SMARCA2: variants seen among roughly 807,000 people sequenced by gnomAD.
SMARCA2 encodes the protein SWI/SNF related BAF chromatin remodeling complex subunit ATPase 2.
In SMARCA2, 61 loss-of-function variants were observed where a neutral mutation model predicts 199.8. The ratio of observed to expected loss-of-function variants is 0.31; its 90% confidence interval spans 0.25 to 0.38. SMARCA2 has a LOEUF of 0.38. Among genes scored for constraint, SMARCA2 ranks in the 10% least tolerant of loss-of-function variants. The pLI, the probability that SMARCA2 is intolerant of heterozygous loss-of-function variation, is 1.00. For synonymous variants in SMARCA2, 935 were observed against 732.0 expected, an observed-to-expected ratio of 1.28 and a Z score of -4.48; for missense variants, 1,344 against 2,012.2, an observed-to-expected ratio of 0.67 and a Z score of 6.35.
chr9:2,055,189 A>G (rs2130336060), intron 6 of SMARCA2, among the ~76,000 whole-genome samples: 1 of 152,386 alleles, frequency 6.6e-6, no homozygotes, highest in East Asian at 1.9e-4. Context: ...ATAGAAATAC[A>G]TAAAGCAATG....
intron 26 of SMARCA2, among the ~76,000 whole-genome samples, chr9:2,120,671 G>T (rs1586726200): frequency 1.3e-5 from 2 of 152,170 alleles, no homozygotes; most frequent in Non-Finnish European, 2.9e-5. Flanking sequence ...TGGGAACATT[G>T]ATTGTATATA....
chr9:2,137,321 G>A (rs1356973785), intron 27 of SMARCA2, among the ~76,000 whole-genome samples: 1 of 152,198 alleles, frequency 6.6e-6, no homozygotes, highest in Non-Finnish European at 1.5e-5. Context: ...TCCTGCATCA[G>A]GTTCTCCAGT....
Position 2,040,012 on chromosome 9 carries a change from A to G in SMARCA2, c.790+112A>G, listed in dbSNP as rs1819535581. ...CCCGGGGCTGACGTAGCCTTTTGTTATACCTCACTGGCTCTCTATCCTTGC... is the reference window on the plus strand; with the variant it reads ...CCCGGGGCTGACGTAGCCTTTTGTTGTACCTCACTGGCTCTCTATCCTTGC... On this transcript the variant is annotated intron_variant, in intron 4 of 33. Transcript: ENST00000349721. 3.9e-6 allele frequency: 6 copies of G among 1,526,620 alleles called. No individual in the cohort carries two copies. The East Asian group carries it at 6.8e-5, about 17-fold the overall frequency. The allele number at this position is 1,526,620 out of a possible 1,614,324, so 94.6% of individuals were successfully genotyped here. A position where few individuals can be genotyped will look rare whatever the true frequency, so the allele number is the denominator to read the frequency against.
intron 9 of SMARCA2, chr9:2,068,959 C>G (rs549522756): frequency 6.6e-6 from 1 of 151,926 alleles, no homozygotes; most frequent in Non-Finnish European, 1.5e-5. Flanking sequence ...CTCTGTCACC[C>G]AGGCTGGAGT....
intron 27 of SMARCA2, among the ~76,000 whole-genome samples, chr9:2,124,887 T>G (rs999362132): frequency 5.3e-5 from 8 of 152,210 alleles, no homozygotes; most frequent in Non-Finnish European, 1.2e-4. Flanking sequence ...ACCTGGGACG[T>G]GCATTCCAGA....
Position 2,090,030 on chromosome 9 carries a change from T to C in SMARCA2, c.2883+1417T>C, listed in dbSNP as rs140447500. Reference sequence around the variant, plus strand: ...GCTAATACAGATAGATTTTTAAAAATATATTGCAAGTTGAAAGTATGTTAT... The same window carrying C: ...GCTAATACAGATAGATTTTTAAAAACATATTGCAAGTTGAAAGTATGTTAT... On this transcript the variant is annotated intron_variant, in intron 19 of 33. Transcript: ENST00000349721. Among the ~76,000 whole-genome samples, 790 of 152,288 alleles carry C rather than the reference T, an allele frequency of 5.2e-3. 7 individuals carry two copies. Among genetic ancestry groups the C allele is most frequent in the African/African-American group, 0.018 (753 of 41,568 alleles).
chr9:2,127,668 A>G (rs1000372710), intron 27 of SMARCA2, among the ~76,000 whole-genome samples: 7 of 152,344 alleles, frequency 4.6e-5, no homozygotes, highest in African/African-American at 1.7e-4. Flanking sequence ...TGGCCACTCC[A>G]GCTGCAAAGG....
chr9:2,070,577 A>G (rs894194149), intron 10 of SMARCA2, 106 bp downstream of exon 10: 4 of 769,054 alleles, frequency 5.2e-6, no homozygotes, highest in Middle Eastern at 2.8e-4. Flanking sequence ...TGTGCTATTT[A>G]TTTTAAGTAA....
At chr9:2,155,690 G>A (rs1448386601) in intron 27 of SMARCA2, among the ~76,000 whole-genome samples, 1 of 124,328 alleles carries the variant, frequency 8.0e-6, no homozygotes, top group Non-Finnish European at 1.6e-5. Flanking sequence ...CCACCTCCAT[G>A]TGCTTATGGC....
chr9:2,176,182 G>GTTTTTTTTTTTTTTTTTTTTT (rs56186732), intron 29 of SMARCA2, among the ~76,000 whole-genome samples: 16 of 104,144 alleles, frequency 1.5e-4, no homozygotes, highest in African/African-American at 6.0e-4. Context: ...CGCCCGGCCT[G>GTTTTTTTTTTTTTTTTTTTTT]TTTTTTTTTT....
At chr9:2,158,185 G>C (rs1255269923) in intron 27 of SMARCA2, 2 of 209,434 alleles carry the variant, frequency 9.5e-6, no homozygotes, top group East Asian at 1.7e-4. Flanking sequence ...AAAAAAAAAA[G>C]GTTGCCATCC....
intron 26 of SMARCA2, among the ~76,000 whole-genome samples, chr9:2,122,591 C>T (rs1009389914): frequency 6.6e-6 from 1 of 152,162 alleles, no homozygotes; most frequent in African/African-American, 2.4e-5. Flanking sequence ...GTAATGACTT[C>T]CAAAAATGTG....
At chr9:2,142,018 G>A (rs1181451737) in intron 27 of SMARCA2, among the ~76,000 whole-genome samples, 1 of 152,160 alleles carries the variant, frequency 6.6e-6, no homozygotes, top group African/African-American at 2.4e-5. Context: ...TGCTCCTACA[G>A]TAGGGGCCCC....
chr9:2,066,446 T>C (rs1386499934), intron 9 of SMARCA2, among the ~76,000 whole-genome samples: 1 of 152,228 alleles, frequency 6.6e-6, no homozygotes, highest in Non-Finnish European at 1.5e-5. Flanking sequence ...CCTTTGCTTG[T>C]GAACATTGCT....
At chr9:2,037,704 T>G (rs1264398824) in intron 3 of SMARCA2, among the ~76,000 whole-genome samples, 3 of 152,172 alleles carry the variant, frequency 2.0e-5, no homozygotes, top group Non-Finnish European at 4.4e-5. Context: ...TAATAAACAC[T>G]TATGTGATGA....
chr9:2,165,662 G>A (rs1394156308), intron 28 of SMARCA2, among the ~76,000 whole-genome samples: 3 of 152,174 alleles, frequency 2.0e-5, no homozygotes, highest in Admixed American at 2.0e-4. Flanking sequence ...CTCAATTTAT[G>A]TAATATTTAA....
At position 2,017,793 on chromosome 9, in the gene SMARCA2, C is replaced by T. The variant is rs1310318877; in HGVS notation, c.-37+2389C>T. 1 of 152,306 alleles carries T rather than the reference C, an allele frequency of 6.6e-6. No homozygotes were observed. The highest frequency in any genetic ancestry group is 1.9e-4 in the East Asian group (1 of 5,176). The allele number at this position is 152,306 out of a possible 1,614,324, so 9.4% of individuals were successfully genotyped here. On this transcript the variant is annotated intron_variant, in intron 1 of 33. Transcript: ENST00000349721. This position sits in a 1 kb window ranked among gnomAD's most constrained non-coding sequence, Gnocchi z 8.8. The stretch of plus-strand genomic sequence containing the variant: ...CCCCGCGCCCCTTTTTGTTCCGCGT[C>T]CTCCAGGTAAGGAGCCTGCGCAGCC...
chr9:2,103,543 G>A (rs889889071), intron 22 of SMARCA2, among the ~76,000 whole-genome samples: 2 of 152,006 alleles, frequency 1.3e-5, no homozygotes, highest in African/African-American at 2.4e-5. Context: ...TGATCAGTAA[G>A]TATTTAGATG....
At chr9:2,112,400 A>G (rs145859351) in intron 24 of SMARCA2, among the ~76,000 whole-genome samples, 10 of 152,230 alleles carry the variant, frequency 6.6e-5, no homozygotes, top group Non-Finnish European at 1.2e-4. Flanking sequence ...CCTAAAAGCC[A>G]CTGTTCCAGG....
Sources: allele counts gnomAD v4.1 joint callset (sites outside exome capture counted in the v4.1 genomes callset), GRCh38; gene constraint gnomAD v4.1.1; non-coding constraint Gnocchi (gnomAD v3.1); transcripts MANE v1.5; gene names NCBI Gene and HGNC (gene_info 2026-07-23, HGNC 2026-07-21).